The following DOCK8 variants were observed in gnomAD, a reference collection of about 807,000 sequenced individuals.
DOCK8 encodes the protein dedicator of cytokinesis protein 8.
Under a neutral mutation model 245.6 loss-of-function variants are expected in DOCK8, and 141 were observed. That is an observed-to-expected ratio of 0.57 (90% confidence interval 0.50 to 0.66). The LOEUF (loss-of-function observed/expected upper bound fraction) is 0.66, where lower values mean the gene tolerates loss of function less well. DOCK8 is among the 30% of genes least tolerant of loss of function. DOCK8 has a pLI of 0.00. For synonymous variants in DOCK8, 1,168 were observed against 970.2 expected, an observed-to-expected ratio of 1.20 and a Z score of -3.79; for missense variants, 2,965 against 2,603.4, an observed-to-expected ratio of 1.14 and a Z score of -3.02.
intron 1 of DOCK8, among the ~76,000 whole-genome samples, chr9:249,851 C>CAGGA (rs1173319988): frequency 6.6e-6 from 1 of 151,230 alleles, no homozygotes; most frequent in Non-Finnish European, 1.5e-5. Context: ...TGGTCTCGAA[C>CAGGA]TCCTGACCTC....
Position 420,428 on chromosome 9 carries a change from G to C in DOCK8, c.3868G>C (p.Ala1290Pro). 2 of 1,614,022 alleles carry C rather than the reference G, an allele frequency of 1.2e-6. No individual in the cohort carries two copies. The highest frequency in any genetic ancestry group is 1.7e-6 in the Non-Finnish European group (2 of 1,180,024). ...LPYKQYNMLN[A>P]DTTRNLMICF... The stretch of plus-strand genomic sequence containing the variant: ...CTATAAGCAGTACAACATGCTGAAC[G>C]CGGACACTACTCGCAACCTCATGAT... Residue 1290 changes from alanine to proline, a missense_variant, in exon 31 of 48, where the codon GCG (alanine) becomes CCG (proline). Around this residue, in one of 3 missense-constraint regions of DOCK8, gnomAD observed 2,825 missense variants for 2,453.5 expected, o/e 1.15. Transcript: ENST00000432829.
chr9:323,624 C>T (rs1436115825), intron 7 of DOCK8, among the ~76,000 whole-genome samples: 2 of 152,156 alleles, frequency 1.3e-5, no homozygotes, highest in African/African-American at 4.8e-5. Context: ...TTTTTCTCTT[C>T]CCAAACTGAA....
At chr9:314,068 GC>G (rs1392885923) in intron 6 of DOCK8, among the ~76,000 whole-genome samples, 4 of 152,098 alleles carry the variant, frequency 2.6e-5, no homozygotes, top group African/African-American at 9.7e-5. Context: ...ACAAAATGGG[GC>G]CCTAACCCGC....
Position 446,352 on chromosome 9 carries a change from G to C in DOCK8, c.5581-18G>C, listed in dbSNP as rs10814952. The C allele has an allele frequency of 0.69, 1,101,343 of 1,605,654 alleles. 386,934 individuals carry two copies. The highest frequency in any genetic ancestry group is 0.99 in the East Asian group (44,416 of 44,856). On this transcript the variant is annotated intron_variant, in intron 43 of 47. Transcript: ENST00000432829. ...GCAGAATAGCTCATCTTCTCCCTCCGTGCCTTTTCCCCCTTAGGCCTACAT... is the reference window on the plus strand; with the variant it reads ...GCAGAATAGCTCATCTTCTCCCTCCCTGCCTTTTCCCCCTTAGGCCTACAT...
chr9:333,561 A>G (rs535006829), intron 10 of DOCK8, among the ~76,000 whole-genome samples: 18 of 151,692 alleles, frequency 1.2e-4, no homozygotes, highest in Non-Finnish European at 2.1e-4. Flanking sequence ...AGATCGTGCC[A>G]CTGCACTCCA....
chr9:301,270 G>A (rs1379467442), intron 4 of DOCK8, among the ~76,000 whole-genome samples: 1 of 152,060 alleles, frequency 6.6e-6, no homozygotes, highest in African/African-American at 2.4e-5. Context: ...ACACAGAAAA[G>A]GCTTTTAACA....
At chr9:379,749 C>T (rs1418309000) in intron 20 of DOCK8, 22 bp from the exon 21 acceptor site, 3 of 1,613,936 alleles carry the variant, frequency 1.9e-6, no homozygotes, top group Non-Finnish European at 2.5e-6. Context: ...TGGGACTACC[C>T]ATTTTTCTCT....
At chr9:359,212 AGC>A (rs2052601761) in intron 14 of DOCK8, among the ~76,000 whole-genome samples, 2 of 152,208 alleles carry the variant, frequency 1.3e-5, no homozygotes, top group Admixed American at 6.5e-5. Context: ...ACATCCCTTT[AGC>A]CCTTGTAGAT....
rs111903646 is a variant in DOCK8, at chr9:439,058, T to C, written c.5080-187T>C. ...AAAAACGTGAGGTTTGAAGACCAGT[T>C]GCTCAGTGCGCCTCTTCTAAATGAA... On this transcript the variant is annotated intron_variant, in intron 39 of 47. Coordinates refer to ENST00000432829, the MANE Select transcript of DOCK8 (RefSeq NM_203447.4). Among the ~76,000 whole-genome samples the C allele has an allele frequency of 0.018, 2,757 of 152,324 alleles. 73 individuals are homozygous for C. Among genetic ancestry groups the C allele is most frequent in the African/African-American group, 0.063 (2,601 of 41,574 alleles).
intron 11 of DOCK8, among the ~76,000 whole-genome samples, chr9:334,685 A>T (rs1458180412): frequency 1.3e-5 from 2 of 152,196 alleles, no homozygotes; most frequent in Non-Finnish European, 2.9e-5. Flanking sequence ...TAAAACTTTA[A>T]CAAGAAAATG....
intron 34 of DOCK8, among the ~76,000 whole-genome samples, chr9:427,950 G>A (rs766051024): frequency 6.6e-5 from 10 of 152,174 alleles, no homozygotes; most frequent in Admixed American, 6.5e-4. Flanking sequence ...TAGTCCTTCT[G>A]TAGGTGATAA....
At chr9:327,227 C>G (rs1169995291) in intron 8 of DOCK8, among the ~76,000 whole-genome samples, 1 of 152,192 alleles carries the variant, frequency 6.6e-6, no homozygotes, top group Non-Finnish European at 1.5e-5. Flanking sequence ...TCAGAATCTT[C>G]TAAGGCCCAT....
intron 14 of DOCK8, among the ~76,000 whole-genome samples, chr9:343,238 A>T (rs1295998784): frequency 6.6e-6 from 1 of 152,182 alleles, no homozygotes; most frequent in Non-Finnish European, 1.5e-5. Flanking sequence ...AGTGGCTCAC[A>T]CTGTAACCCC....
At chr9:442,693 C>T (rs1028840193) in intron 42 of DOCK8, among the ~76,000 whole-genome samples, 2 of 151,300 alleles carry the variant, frequency 1.3e-5, no homozygotes, top group Non-Finnish European at 2.9e-5. Context: ...GGTGCCTCCC[C>T]GATGGGATTT....
chr9:399,997 TCCACCA>T (rs1554691486), intron 26 of DOCK8, among the ~76,000 whole-genome samples: 1 of 57,894 alleles, frequency 1.7e-5, no homozygotes, highest in East Asian at 1.2e-3. Flanking sequence ...TCCCACCACC[TCCACCA>T]CCTCCACCAT....
At chr9:442,129 G>A in intron 42 of DOCK8, 120 bp downstream of exon 42, 2 of 1,426,402 alleles carry the variant, frequency 1.4e-6, no homozygotes, top group East Asian at 2.4e-5. Flanking sequence ...TCTACATAAA[G>A]TTTTCCCCTT....
At position 411,138 on chromosome 9, in the gene DOCK8, C is replaced by T. The variant is rs114565979; in HGVS notation, c.3531-3644C>T. Among the ~76,000 whole-genome samples the T allele has an allele frequency of 6.0e-3, 909 of 152,238 alleles. 9 individuals carry two copies. The highest frequency in any genetic ancestry group is 0.02 in the African/African-American group (835 of 41,528). On this transcript the variant is annotated intron_variant, in intron 28 of 47. Transcript: ENST00000432829. ...ACACAAATTAAAAATTTAGGCTGGG[C>T]GCAGTGGCTCATACCTGTAATCCCA...
chr9:289,689 A>G (rs2048961381), intron 4 of DOCK8, 108 bp downstream of exon 4: 4 of 1,006,174 alleles, frequency 4.0e-6, no homozygotes, highest in East Asian at 5.4e-5. Flanking sequence ...GAAAAATTGC[A>G]TGGCAAATAG....
chr9:439,373 G>A lies in DOCK8; in HGVS notation c.5208G>A (p.Ala1736=), dbSNP rs144172375. ...TGGTAGGCCTCCTGGAGCAGGCCGC[G>A]GAGCTCTTCAGCACGGTCAGTGCCC... The part of the protein sequence containing the change: ...SGLVGLLEQA[A]ELFSTGGLYE... Residue 1736 remains alanine, a synonymous_variant, in exon 40 of 48, where the codon GCG becomes GCA. Transcript: ENST00000432829. 1.9e-4 allele frequency: 314 copies of A among 1,613,350 alleles called. No individual in the cohort carries two copies. The highest frequency in any genetic ancestry group is 1.6e-4 in the Non-Finnish European group (191 of 1,179,932).
Sources: allele counts gnomAD v4.1 joint callset (sites outside exome capture counted in the v4.1 genomes callset), GRCh38; gene constraint gnomAD v4.1.1; regional missense constraint gnomAD v4.1.1; transcripts MANE v1.5; gene names NCBI Gene and HGNC (gene_info 2026-07-23, HGNC 2026-07-21).